Variants in CDH13 observed in about 807,000 individuals in gnomAD.
CDH13 encodes cadherin-13.
Under a neutral mutation model 63.8 loss-of-function variants are expected in CDH13, and 24 were observed. The observed-to-expected ratio is 0.38, with a 90% CI of 0.27 to 0.53. CDH13 has a LOEUF of 0.53. CDH13 is among the 20% of genes least tolerant of loss of function. The pLI is 0.85. For synonymous variants in CDH13, 503 were observed against 355.3 expected, an observed-to-expected ratio of 1.42 and a Z score of -4.67; for missense variants, 1,049 against 903.1, an observed-to-expected ratio of 1.16 and a Z score of -2.07.
chr16:82,669,691 T>C (rs954757989), intron 1 of CDH13, among the ~76,000 whole-genome samples: 1 of 152,242 alleles, frequency 6.6e-6, no homozygotes, highest in African/African-American at 2.4e-5. Context: ...GGCAAACCTT[T>C]TCCATACAAC....
intron 5 of CDH13, among the ~76,000 whole-genome samples, chr16:83,235,407 G>A (rs895210095): frequency 6.6e-6 from 1 of 152,122 alleles, no homozygotes; most frequent in Admixed American, 6.5e-5. Flanking sequence ...TATTATGTGA[G>A]CCTTCATCTA....
At chr16:83,226,060 TAAAC>T (rs774310368) in intron 5 of CDH13, among the ~76,000 whole-genome samples, 107 of 152,318 alleles carry the variant, frequency 7.0e-4, no homozygotes, top group Middle Eastern at 3.4e-3. Flanking sequence ...CAGAATTTAA[TAAAC>T]AAACGCTTGT....
At chr16:83,393,277 A>G (rs912453430) in intron 6 of CDH13, among the ~76,000 whole-genome samples, 1 of 152,122 alleles carries the variant, frequency 6.6e-6, no homozygotes, top group African/African-American at 2.4e-5. Context: ...TGGGAAAGGA[A>G]GCATTCTCGT....
intron 1 of CDH13, among the ~76,000 whole-genome samples, chr16:82,758,079 C>T (rs193157959): frequency 3.3e-5 from 5 of 152,160 alleles, no homozygotes; most frequent in Admixed American, 6.5e-5. Context: ...TGTTCATGAC[C>T]GGTGAGTGCC....
chr16:82,719,856 A>AAG (rs1324751057), intron 1 of CDH13, among the ~76,000 whole-genome samples: 1 of 151,786 alleles, frequency 6.6e-6, no homozygotes, highest in East Asian at 1.9e-4. Flanking sequence ...AAAAAAAAAA[A>AAG]AAAAAAAAAA....
At chr16:82,839,990 A>T (rs2038938413) in intron 1 of CDH13, among the ~76,000 whole-genome samples, 1 of 152,142 alleles carries the variant, frequency 6.6e-6, no homozygotes, top group Non-Finnish European at 1.5e-5. Flanking sequence ...AAGTAATTGA[A>T]CTTCTGGACT....
At chr16:82,755,623 A>G (rs189236502) in intron 1 of CDH13, among the ~76,000 whole-genome samples, 110 of 152,316 alleles carry the variant, frequency 7.2e-4, no homozygotes, top group African/African-American at 2.4e-3. Flanking sequence ...TATTCAGTCC[A>G]TTCTTTGTGT....
At chr16:83,036,214 A>G (rs1296881677) in intron 3 of CDH13, among the ~76,000 whole-genome samples, 6 of 146,222 alleles carry the variant, frequency 4.1e-5, no homozygotes, top group African/African-American at 1.0e-4. Flanking sequence ...CAATGGTACA[A>G]TCTCAGCTCA....
intron 8 of CDH13, among the ~76,000 whole-genome samples, chr16:83,618,821 T>C (rs1355157470): frequency 2.0e-5 from 3 of 150,506 alleles, no homozygotes; most frequent in Admixed American, 6.6e-5. Flanking sequence ...GTTCAACTTA[T>C]CCTGTGAGTT....
In CDH13 at chr16:83,795,888, C is replaced by A. The variant is rs1904278481; in HGVS notation, c.*858C>A. The A allele has an allele frequency of 6.6e-6, 1 of 152,602 alleles. No homozygotes were observed. Among genetic ancestry groups the A allele is most frequent in the Non-Finnish European group, 1.5e-5 (1 of 68,036 alleles). 9.5% of individuals were successfully genotyped at this position (152,602 alleles called of 1,614,324 possible). On this transcript the variant is annotated 3_prime_UTR_variant, in exon 14 of 14. Transcript: ENST00000567109. ...GGACACAGATCATGGTAGAGAATCT[C>A]TCCCTCCTCAGTAAATGTACAACTG...
chr16:83,515,368 C>T (rs1567728690), intron 7 of CDH13, among the ~76,000 whole-genome samples: 1 of 152,188 alleles, frequency 6.6e-6, no homozygotes, highest in African/African-American at 2.4e-5. Context: ...AAGTTACTGT[C>T]GTTTTATGCA....
intron 2 of CDH13, among the ~76,000 whole-genome samples, chr16:82,959,938 C>T (rs1260366711): frequency 2.0e-5 from 3 of 152,134 alleles, no homozygotes; most frequent in African/African-American, 7.2e-5. Context: ...AGTGCAATGT[C>T]TGGGTTATAT....
intron 4 of CDH13, among the ~76,000 whole-genome samples, chr16:83,142,564 C>T (rs2036578932): frequency 6.6e-6 from 1 of 152,188 alleles, no homozygotes; most frequent in Non-Finnish European, 1.5e-5. Flanking sequence ...GAATCAGGTC[C>T]TTCCTCATGT....
intron 2 of CDH13, among the ~76,000 whole-genome samples, chr16:82,914,924 T>C (rs573251637): frequency 3.9e-5 from 6 of 152,248 alleles, no homozygotes; most frequent in Non-Finnish European, 7.3e-5. Flanking sequence ...AGTCTGATTT[T>C]AATCCTCAGA....
At chr16:82,824,785 G>C (rs996507138) in intron 1 of CDH13, 3 of 152,114 alleles carry the variant, frequency 2.0e-5, no homozygotes, top group Non-Finnish European at 4.4e-5. Context: ...CATAATCTTT[G>C]GTTCTAATTT....
intron 7 of CDH13, among the ~76,000 whole-genome samples, chr16:83,570,946 C>CATATATATATATATATATATATAT (rs57586630): frequency 9.1e-6 from 1 of 110,056 alleles, no homozygotes; most frequent in Admixed American, 1.1e-4. Flanking sequence ...ATAACTCATC[C>CATATATATATATATATATATATAT]ATATATATAT....
intron 2 of CDH13, among the ~76,000 whole-genome samples, chr16:82,920,493 G>A (rs1289755202): frequency 6.6e-6 from 1 of 152,170 alleles, no homozygotes; most frequent in Non-Finnish European, 1.5e-5. Context: ...CTGGGTCAAA[G>A]TCAAATGCCC....
At chr16:83,320,969 C>G (rs1288334477) in intron 5 of CDH13, among the ~76,000 whole-genome samples, 1 of 152,142 alleles carries the variant, frequency 6.6e-6, no homozygotes, top group East Asian at 1.9e-4. Flanking sequence ...TTGGAAAATG[C>G]TAAGTAATGA....
chr16:83,710,027 T>A (rs900762601), intron 10 of CDH13, among the ~76,000 whole-genome samples: 1 of 152,246 alleles, frequency 6.6e-6, no homozygotes, highest in African/African-American at 2.4e-5. Flanking sequence ...GGTGGTGATC[T>A]TGCCCCCAGA....
Sources: gnomAD v4.1 joint callset for allele counts (sites outside exome capture counted in the v4.1 genomes callset) on GRCh38, gnomAD v4.1.1 for gene constraint, MANE v1.5 for transcripts, NCBI Gene and HGNC (gene_info 2026-07-23, HGNC 2026-07-21) for gene names.